The following DYNC2H1 variants were observed in gnomAD, a reference collection of about 807,000 sequenced individuals.
DYNC2H1 encodes cytoplasmic dynein 2 heavy chain 1.
A neutral mutation model predicts 570.0 loss-of-function variants in DYNC2H1; 410 were observed. The ratio of observed to expected loss-of-function variants is 0.72; its 90% confidence interval spans 0.66 to 0.78. DYNC2H1 has a LOEUF of 0.78. DYNC2H1 is among the 30% of genes least tolerant of loss of function. The pLI is 0.00. For missense variants in DYNC2H1, 4,865 were observed against 5,046.4 expected, an observed-to-expected ratio of 0.96 and a Z score of 1.09; for synonymous variants, 1,688 against 1,677.6, an observed-to-expected ratio of 1.01 and a Z score of -0.15.
intron 53 of DYNC2H1, among the ~76,000 whole-genome samples, chr11:103,210,575 T>C (rs934012977): frequency 3.3e-5 from 5 of 152,062 alleles, no homozygotes; most frequent in Non-Finnish European, 7.4e-5. Context: ...TATATAAACA[T>C]AAATTTCTGA....
chr11:103,467,471 T>C (rs1591801389), intron 87 of DYNC2H1, among the ~76,000 whole-genome samples: 1 of 152,306 alleles, frequency 6.6e-6, no homozygotes, highest in East Asian at 1.9e-4. Flanking sequence ...TTCTGAATTC[T>C]ATAGTTCTTT....
Position 103,299,264 on chromosome 11 carries a change from T to A in DYNC2H1, c.11096-3829T>A, listed in dbSNP as rs1866956307. The stretch of plus-strand genomic sequence containing the variant: ...ATCCCATGCACCCTGCTTTCATAGC[T>A]CAATCTGTCTTATCAAGTTTGTGTC... On this transcript the variant is annotated intron_variant, in intron 75 of 88. Transcript: ENST00000375735. This position sits in a 1 kb window ranked among gnomAD's most constrained non-coding sequence, Gnocchi z 4.5. Among the ~76,000 whole-genome samples the A allele has an allele frequency of 6.6e-6, 1 of 152,126 alleles. No homozygotes were observed. Among genetic ancestry groups the A allele is most frequent in the South Asian group, 2.1e-4 (1 of 4,832 alleles).
At chr11:103,174,018 G>C in intron 35 of DYNC2H1, 37 bp from the exon 36 acceptor site, 1 of 1,401,296 alleles carries the variant, frequency 7.1e-7, no homozygotes, top group East Asian at 2.5e-5. Flanking sequence ...ATTTCTTCTA[G>C]CTATTTGATG....
chr11:103,382,490 A>C (rs1431213379), intron 83 of DYNC2H1, among the ~76,000 whole-genome samples: 3 of 152,200 alleles, frequency 2.0e-5, no homozygotes, highest in Non-Finnish European at 2.9e-5. Flanking sequence ...AATATCTTTA[A>C]AATTGATAAT....
intron 14 of DYNC2H1, 87 bp from the exon 15 acceptor site, chr11:103,134,234 T>G: frequency 8.9e-7 from 1 of 1,125,736 alleles, no homozygotes; most frequent in Non-Finnish European, 1.3e-6. Flanking sequence ...ATCACTTGGT[T>G]AAGGTGGTAT....
chr11:103,187,405 C>G lies in DYNC2H1; in HGVS notation c.6959C>G (p.Ala2320Gly). ...CAAATTGCTACAGTTCACTGTAGTG[C>G]ACAAACCACTTCTCGACATCTCCTG... is the stretch of plus-strand genomic sequence containing the variant. ...STQIATVHCS[A>G]QTTSRHLLQK... is the part of the protein sequence containing the mutation. Residue 2320 changes from alanine (A) to glycine (G), a missense_variant, in exon 43 of 89, where the codon GCA (alanine) becomes GGA (glycine). Coordinates refer to ENST00000375735, the MANE Select transcript of DYNC2H1 (RefSeq NM_001377.3). 1 of 1,613,206 alleles carries G rather than the reference C, an allele frequency of 6.2e-7. No homozygotes were observed. The highest frequency in any genetic ancestry group is 8.5e-7 in the Non-Finnish European group (1 of 1,179,400).
intron 77 of DYNC2H1, among the ~76,000 whole-genome samples, chr11:103,306,578 C>A (rs1347931415): frequency 6.6e-6 from 1 of 151,948 alleles, no homozygotes; most frequent in Non-Finnish European, 1.5e-5. Flanking sequence ...ATAAACTTTA[C>A]ATTTTAAAGT....
chr11:103,220,259 G>A (rs538853851), intron 56 of DYNC2H1, among the ~76,000 whole-genome samples: 3 of 152,134 alleles, frequency 2.0e-5, no homozygotes, highest in Admixed American at 6.5e-5. Flanking sequence ...ATATGGTTTT[G>A]ATTGCAGAGG....
chr11:103,389,445 C>A (rs1442375857), intron 83 of DYNC2H1, among the ~76,000 whole-genome samples: 1 of 152,102 alleles, frequency 6.6e-6, no homozygotes, highest in Admixed American at 6.5e-5. Flanking sequence ...TTTCAAAAAA[C>A]CACCTCCTGG....
rs1367180718 is a variant in DYNC2H1, at chr11:103,365,757, C to A, written c.12156+7398C>A. On this transcript the variant is annotated intron_variant, in intron 83 of 88. Transcript: ENST00000375735. ...GAACATGCAAAGAAATTATATTTTG[C>A]AATTTTTAAAACCTACATCTTTGGC... Among the ~76,000 whole-genome samples, 4 of 152,154 alleles carry A rather than the reference C, an allele frequency of 2.6e-5. No homozygotes were observed. In the East Asian group the frequency reaches 7.7e-4, roughly 29 times the overall value.
intron 59 of DYNC2H1, among the ~76,000 whole-genome samples, chr11:103,225,855 T>C (rs1450854090): frequency 6.6e-6 from 1 of 152,222 alleles, no homozygotes. Flanking sequence ...ATGGTCATTT[T>C]CACAATATCG....
intron 84 of DYNC2H1, among the ~76,000 whole-genome samples, chr11:103,413,389 T>G (rs990224921): frequency 3.4e-5 from 5 of 148,636 alleles, no homozygotes; most frequent in Non-Finnish European, 1.5e-5. Flanking sequence ...ACATAATATT[T>G]ATGTTAAATA....
chr11:103,181,747 A>T lies in DYNC2H1; in HGVS notation c.6348-10A>T. On this transcript the variant is annotated splice_polypyrimidine_tract_variant and intron_variant, in intron 39 of 88. Coordinates refer to ENST00000375735, the MANE Select transcript of DYNC2H1 (RefSeq NM_001377.3). This position sits in a 1 kb window ranked among gnomAD's most constrained non-coding sequence, Gnocchi z 5.0. ...CCTAAGTAATTTTTTATTTGTCTAA[A>T]CTGTTTCAGTGATGAAGAGACAGAT... is the stretch of plus-strand genomic sequence containing the variant. The T allele has an allele frequency of 6.5e-7, 1 of 1,545,206 alleles. No homozygotes were observed. Among genetic ancestry groups the T allele is most frequent in the Non-Finnish European group, 8.7e-7 (1 of 1,144,484 alleles).
intron 82 of DYNC2H1, among the ~76,000 whole-genome samples, chr11:103,357,886 G>A (rs1044784420): frequency 1.3e-5 from 2 of 152,184 alleles, no homozygotes; most frequent in African/African-American, 2.4e-5. Context: ...GGGATTTGAA[G>A]CTGCAGTGAG....
chr11:103,410,143 A>AACTT (rs1943021777), intron 84 of DYNC2H1, among the ~76,000 whole-genome samples: 1 of 151,984 alleles, frequency 6.6e-6, no homozygotes, highest in African/African-American at 2.4e-5. Flanking sequence ...ACCATGTTAC[A>AACTT]ACTTATCTCC....
intron 84 of DYNC2H1, among the ~76,000 whole-genome samples, chr11:103,418,969 C>T (rs1257882865): frequency 6.6e-6 from 1 of 152,142 alleles, no homozygotes; most frequent in Non-Finnish European, 1.5e-5. Flanking sequence ...CCTGTGCTAC[C>T]CAGCAAGGAA....
intron 88 of DYNC2H1, among the ~76,000 whole-genome samples, chr11:103,471,058 C>T (rs562032264): frequency 6.6e-6 from 1 of 152,230 alleles, no homozygotes; most frequent in East Asian, 1.9e-4. Context: ...CCTATTTCTC[C>T]ACATCCTCTC....
intron 46 of DYNC2H1, among the ~76,000 whole-genome samples, 198 bp from the exon 47 acceptor site, chr11:103,191,899 A>G (rs1862331163): frequency 6.6e-6 from 1 of 152,216 alleles, no homozygotes; most frequent in East Asian, 1.9e-4. Flanking sequence ...AGATGATAGT[A>G]TTTAATGTCA....
In DYNC2H1 at chr11:103,277,265, G is replaced by A. The variant is rs1865950549; in HGVS notation, c.10696-3083G>A. Among the ~76,000 whole-genome samples, 1 of 151,850 alleles carries A rather than the reference G, an allele frequency of 6.6e-6. No homozygotes were observed. Among genetic ancestry groups the A allele is most frequent in the Non-Finnish European group, 1.5e-5 (1 of 67,912 alleles). ...GTGTGTTCAAATTTTATCATGTATG[G>A]CTTTTTGTATTCAATTTTTTAAAAA... On this transcript the variant is annotated intron_variant, in intron 70 of 88. Transcript: ENST00000375735. This position sits in a 1 kb window ranked among gnomAD's most constrained non-coding sequence, Gnocchi z 4.3.
Sources: allele counts gnomAD v4.1 joint callset (sites outside exome capture counted in the v4.1 genomes callset), GRCh38; gene constraint gnomAD v4.1.1; non-coding constraint Gnocchi (gnomAD v3.1); transcripts MANE v1.5; gene names NCBI Gene and HGNC (gene_info 2026-07-23, HGNC 2026-07-21).